Variants in IL21R observed in about 807,000 individuals in gnomAD.
The protein encoded by IL21R is interleukin-21 receptor.
A neutral mutation model predicts 41.3 loss-of-function variants in IL21R; 14 were observed. The observed-to-expected ratio is 0.34, with a 90% CI of 0.22 to 0.53. The LOEUF (loss-of-function observed/expected upper bound fraction) is 0.53, where lower values mean the gene tolerates loss of function less well. IL21R is among the 20% of genes least tolerant of loss of function. IL21R has a pLI of 0.94. For missense variants in IL21R, 588 were observed against 681.6 expected, an observed-to-expected ratio of 0.86 and a Z score of 1.53; for synonymous variants, 286 against 287.6, an observed-to-expected ratio of 0.99 and a Z score of 0.05.
chr16:27,440,248 T>TATATATAGAGAGAGAGAG (rs1352160946), intron 4 of IL21R, among the ~76,000 whole-genome samples: 43 of 64,022 alleles, frequency 6.7e-4, no homozygotes, highest in Non-Finnish European at 9.6e-4. Flanking sequence ...TATATATATA[T>TATATATAGAGAGAGAGAG]AGAGAGAGAG....
At chr16:27,429,666 C>T (rs1042649655) in intron 1 of IL21R, among the ~76,000 whole-genome samples, 12 of 151,898 alleles carry the variant, frequency 7.9e-5, no homozygotes, top group African/African-American at 1.7e-4. Context: ...CCCAGCTACT[C>T]GGGAGGCTGA....
At chr16:27,438,761 T>C (rs1279812105) in intron 4 of IL21R, among the ~76,000 whole-genome samples, 1 of 152,130 alleles carries the variant, frequency 6.6e-6, no homozygotes, top group East Asian at 1.9e-4. Flanking sequence ...TCCCGGCTAC[T>C]CGGGAGGCTG....
intron 1 of IL21R, among the ~76,000 whole-genome samples, chr16:27,421,632 T>C (rs1488179008): frequency 1.3e-5 from 2 of 152,280 alleles, no homozygotes; most frequent in East Asian, 3.9e-4. Context: ...GAAATCACTT[T>C]CTTAATTTCA....
rs769903665 is a variant in IL21R at position 27,448,740 on chromosome 16, G to A, written c.1074G>A (p.Ser358=). The stretch of plus-strand genomic sequence containing the variant: ...GCTTCTGGCCGACAGCCCAGAACTC[G>A]GGGGGCTCAGCTTACAGTGAGGAGA... ...KPSFWPTAQN[S]GGSAYSEERD... Residue 358 remains serine, a synonymous_variant, in exon 9 of 9, where the codon TCG becomes TCA. Coordinates refer to ENST00000337929, the MANE Select transcript of IL21R (RefSeq NM_181078.3). The A allele has an allele frequency of 3.7e-6, 6 of 1,613,496 alleles. No individual in the cohort carries two copies. The highest frequency in any genetic ancestry group is 1.1e-5 in the South Asian group (1 of 91,080).
intron 1 of IL21R, among the ~76,000 whole-genome samples, chr16:27,406,986 ACTAATCT>A (rs1292015561): frequency 1.3e-5 from 2 of 152,170 alleles, no homozygotes; most frequent in Non-Finnish European, 2.9e-5. Context: ...GTTCCTTGTT[ACTAATCT>A]GATGACATTA....
intron 1 of IL21R, among the ~76,000 whole-genome samples, chr16:27,413,067 T>A (rs1436542342): frequency 6.6e-6 from 1 of 152,174 alleles, no homozygotes. Context: ...AGGTTTCAGT[T>A]TTTTACTGTT....
At chr16:27,412,932 T>A (rs1035944587) in intron 1 of IL21R, among the ~76,000 whole-genome samples, 2 of 152,188 alleles carry the variant, frequency 1.3e-5, no homozygotes, top group Non-Finnish European at 2.9e-5. Flanking sequence ...ATAATTGCAT[T>A]TCTTCCTTTC....
rs562139481 is a variant in IL21R, at chr16:27,409,637, C to T, written c.-17+7019C>T. Among the ~76,000 whole-genome samples the T allele has an allele frequency of 3.9e-5, 6 of 152,140 alleles. No homozygotes were observed. In the South Asian group the frequency reaches 1.2e-3, roughly 32 times the overall value. ...AGAAAACATGTTTTCTCTCCACTGC[C>T]TTGCACTGGTGACTTACTGAAAATC... On this transcript the variant is annotated intron_variant, in intron 1 of 8. Coordinates refer to ENST00000337929, the MANE Select transcript of IL21R (RefSeq NM_181078.3).
Position 27,443,076 on chromosome 16 carries a change from A to G in IL21R, c.467A>G (p.Tyr156Cys), listed in dbSNP as rs745372589. The stretch of plus-strand genomic sequence containing the variant: ...TACATGCTGAAGGGCAAGCTTCAGT[A>G]TGAGCTGCAGTACAGGAACCGGGGA... The part of the protein sequence containing the change: ...AFYMLKGKLQ[Y>C]ELQYRNRGDP... The change falls in exon 5 of 9, where the codon TAT becomes TGT. Residue 156 changes from tyrosine (Y) to cysteine (C), a missense_variant. Physicochemically the swap from Tyr to Cys is radical, Grantham distance 194. Transcript: ENST00000337929. The G allele has an allele frequency of 2.6e-4, 422 of 1,613,904 alleles. No individual in the cohort carries two copies. The highest frequency in any genetic ancestry group is 3.5e-4 in the Non-Finnish European group (410 of 1,179,960).
chr16:27,448,252 C>G (rs1596599441), intron 8 of IL21R: 2 of 358,502 alleles, frequency 5.6e-6, no homozygotes, highest in East Asian at 1.0e-4. Context: ...GTCAGGAGTT[C>G]AAGATCAGTC....
chr16:27,450,882 G>T lies in IL21R; in HGVS notation c.*1599G>T. The T allele has an allele frequency of 4.3e-6, 1 of 233,282 alleles. No individual in the cohort carries two copies. The allele number at this position is 233,282 out of a possible 1,614,324, so 14.5% of individuals were successfully genotyped here. On this transcript the variant is annotated 3_prime_UTR_variant, in exon 9 of 9. Transcript: ENST00000337929. The stretch of plus-strand genomic sequence containing the variant: ...CACCCATGCTTTTGCAACAGGGTCG[G>T]GTTGGAAGTCAGCACAGGTCAGTCC...
chr16:27,422,826 A>G (rs2087017764), intron 1 of IL21R, among the ~76,000 whole-genome samples: 1 of 152,212 alleles, frequency 6.6e-6, no homozygotes, highest in African/African-American at 2.4e-5. Context: ...ATTATGTATA[A>G]AAAGTATAGA....
intron 4 of IL21R, among the ~76,000 whole-genome samples, chr16:27,439,589 TCACA>T (rs1218684427): frequency 1.3e-5 from 2 of 150,706 alleles, no homozygotes; most frequent in East Asian, 3.9e-4. Context: ...ATGCACACAC[TCACA>T]CATGCATTCT....
chr16:27,405,372 G>C (rs1181543866), intron 1 of IL21R, among the ~76,000 whole-genome samples: 1 of 143,004 alleles, frequency 7.0e-6, no homozygotes, highest in Non-Finnish European at 1.6e-5. Context: ...TTTGCTTTTA[G>C]CTATGAAAAT....
intron 1 of IL21R, among the ~76,000 whole-genome samples, chr16:27,419,343 C>A (rs2086961087): frequency 6.6e-6 from 1 of 152,202 alleles, no homozygotes; most frequent in South Asian, 2.1e-4. Flanking sequence ...GTGGCAAAAA[C>A]ACACATGGAG....
In IL21R at chr16:27,434,457, G is replaced by A. The variant is rs1379993528; in HGVS notation, c.152+8G>A. The A allele has an allele frequency of 6.3e-7, 1 of 1,587,440 alleles. No individual in the cohort carries two copies. The highest frequency in any genetic ancestry group is 8.6e-7 in the Non-Finnish European group (1 of 1,156,554). On this transcript the variant is annotated splice_region_variant and intron_variant, in intron 3 of 8. Transcript: ENST00000337929. ...CACGCTCACCCTTACCTGGTAAGTAGCCGGGCCTCACCAGTCCCCGGGGAT... is the reference window on the plus strand; with the variant it reads ...CACGCTCACCCTTACCTGGTAAGTAACCGGGCCTCACCAGTCCCCGGGGAT...
intron 1 of IL21R, among the ~76,000 whole-genome samples, chr16:27,420,398 T>C (rs1259370060): frequency 6.6e-6 from 1 of 152,246 alleles, no homozygotes; most frequent in African/African-American, 2.4e-5. Context: ...GTATTTAACA[T>C]TTTGAAGAAC....
intron 1 of IL21R, among the ~76,000 whole-genome samples, chr16:27,405,263 G>C (rs915092792): frequency 6.6e-6 from 1 of 151,990 alleles, no homozygotes; most frequent in African/African-American, 2.4e-5. Flanking sequence ...GAACTCCTGG[G>C]CTCAAGTGAT....
intron 1 of IL21R, chr16:27,427,404 T>A (rs2087097606): frequency 1.2e-6 from 1 of 856,084 alleles, no homozygotes; most frequent in African/African-American, 1.8e-5. Flanking sequence ...TTTGTCTGTT[T>A]GTTTTTTTAA....
Sources: allele counts gnomAD v4.1 joint callset (sites outside exome capture counted in the v4.1 genomes callset), GRCh38; gene constraint gnomAD v4.1.1; transcripts MANE v1.5; gene names NCBI Gene and HGNC (gene_info 2026-07-23, HGNC 2026-07-21).